PPL: variants seen among roughly 807,000 people sequenced by gnomAD.
PPL encodes 190 kDa paraneoplastic pemphigus antigen.
PPL carries 198 observed loss-of-function variants against 194.4 expected under a neutral mutation model. That is an observed-to-expected ratio of 1.02 (90% CI 0.91 to 1.15). PPL has a LOEUF of 1.15. Ranked by LOEUF, PPL falls within the 50% of genes most tolerant of loss-of-function variation. The pLI is 0.00. For missense variants in PPL, 2,885 were observed against 2,294.8 expected (o/e 1.26, Z -5.25); for synonymous variants, 1,220 against 972.4 (o/e 1.25, Z -4.74).
intron 7 of PPL, 40 bp downstream of exon 7, chr16:4,899,183 G>A (rs754274746): frequency 1.9e-6 from 3 of 1,613,542 alleles, no homozygotes; most frequent in Non-Finnish European, 2.5e-6. Context: ...CTCCTTCCAG[G>A]GCTGCCTCCT....
At chr16:4,910,175 G>T (rs749782823) in intron 2 of PPL, among the ~76,000 whole-genome samples, 1 of 152,174 alleles carries the variant, frequency 6.6e-6, no homozygotes, top group African/African-American at 2.4e-5. Context: ...GTTACAGAAA[G>T]GGAAACTGAG....
At position 4,910,955 on chromosome 16, in the gene PPL, G is replaced by T. The variant is rs1229082531; in HGVS notation, c.63-6C>A. On this transcript the variant is annotated splice_polypyrimidine_tract_variant and splice_region_variant and intron_variant, in intron 1 of 21. Transcript: ENST00000345988. ...AGAGCTCCTTGTTAGAGATGCTGCG[G>T]GCAGAAGCCGAGGGGAGATGGGCGG... 1.9e-6 allele frequency: 3 copies of T among 1,610,324 alleles called. No homozygotes were observed. In the Admixed American group the frequency reaches 5.0e-5, roughly 27 times the overall value.
chr16:4,892,313 G>A (rs1468973178), intron 14 of PPL, 100 bp from the exon 15 acceptor site: 1 of 1,305,914 alleles, frequency 7.7e-7, no homozygotes, highest in Non-Finnish European at 1.0e-6. Flanking sequence ...CAGGCACAGT[G>A]GAAGCAGCTG....
chr16:4,899,359 TGCTGCTGCCGG>T lies in PPL; in HGVS notation c.621_631del (p.Arg208ProfsTer14). On this transcript the variant is annotated frameshift_variant, in exon 7 of 22. Transcript: ENST00000345988. LOFTEE classifies it high-confidence loss of function. ...CATGTAGTCCTGCAGCGAACTCAGGTGCTGCTGCCGGGCCTGTGATGCTGCCTGAAGGGGCC... is the reference window on the plus strand; with the variant it reads ...CATGTAGTCCTGCAGCGAACTCAGGTGCCTGTGATGCTGCCTGAAGGGGCC... 5 of 1,609,856 alleles carry T rather than the reference TGCTGCTGCCGG, an allele frequency of 3.1e-6. No homozygotes were observed. The highest frequency in any genetic ancestry group is 2.5e-6 in the Non-Finnish European group (3 of 1,177,910).
At chr16:4,888,424 A>G (rs972271928) in intron 19 of PPL, among the ~76,000 whole-genome samples, 13 of 152,214 alleles carry the variant, frequency 8.5e-5, no homozygotes, top group African/African-American at 3.1e-4. Flanking sequence ...ACATAGCTCC[A>G]TCACTCAGTA....
chr16:4,902,629 CAG>C lies in PPL; in HGVS notation c.318-105_318-104del. The C allele has an allele frequency of 5.9e-6, 8 of 1,358,036 alleles. No individual in the cohort carries two copies. The highest frequency in any genetic ancestry group is 1.4e-5 in the South Asian group (1 of 70,932). 84.1% of individuals were successfully genotyped at this position (1,358,036 alleles called of 1,614,324 possible). On this transcript the variant is annotated intron_variant, in intron 3 of 21. Transcript: ENST00000345988. This position sits in a 1 kb window ranked among gnomAD's most constrained non-coding sequence, Gnocchi z 4.0. ...CCGGCCTCAGTGTCCTGGAAGGACA[CAG>C]TGACCATATGGCCTTGGGTTCCAGA...
rs1312305040 is a variant in PPL at position 4,886,010 on chromosome 16, C to T, written c.2645G>A (p.Arg882Lys). 1.9e-6 allele frequency: 3 copies of T among 1,614,018 alleles called. No homozygotes were observed. Among genetic ancestry groups the T allele is most frequent in the Non-Finnish European group, 2.5e-6 (3 of 1,180,032 alleles). ...CTCCACTCCAGAGTCCGGCCTATTC[C>T]TTTGCAGGGTCTCATGGGTCACTTC... is the stretch of plus-strand genomic sequence containing the variant. ...EVEVTHETLQ[R>K]NRPDSGVEEA... The change falls in exon 22 of 22, where the codon AGG becomes AAG. Residue 882 changes from arginine (R) to lysine (K), a missense_variant. Transcript: ENST00000345988.
At chr16:4,891,993 CT>C (rs1413886834) in intron 15 of PPL, 41 bp downstream of exon 15, 9 of 1,610,924 alleles carry the variant, frequency 5.6e-6, no homozygotes, top group Admixed American at 1.7e-5. Context: ...ACCTGGCCCC[CT>C]GACCCCACCC....
At chr16:4,926,646 C>T (rs1167407281) in intron 1 of PPL, among the ~76,000 whole-genome samples, 2 of 152,054 alleles carry the variant, frequency 1.3e-5, no homozygotes, top group African/African-American at 4.8e-5. Context: ...GAGGCCGAGG[C>T]GGGCAGATCA....
At chr16:4,907,425 C>T (rs1030469301) in intron 2 of PPL, among the ~76,000 whole-genome samples, 4 of 151,848 alleles carry the variant, frequency 2.6e-5, no homozygotes, top group East Asian at 1.9e-4. Context: ...TATGGGTGTT[C>T]GCTGTACGGT....
intron 1 of PPL, among the ~76,000 whole-genome samples, chr16:4,913,646 G>A (rs2088862456): frequency 6.6e-6 from 1 of 152,120 alleles, no homozygotes; most frequent in African/African-American, 2.4e-5. Flanking sequence ...CAAGTGATTC[G>A]GCTGCCTCAG....
Position 4,897,637 on chromosome 16 carries a change from C to G in PPL, c.972+38G>C, listed in dbSNP as rs201173658. On this transcript the variant is annotated intron_variant, in intron 9 of 21. Coordinates refer to ENST00000345988, the MANE Select transcript of PPL (RefSeq NM_002705.5). ...CACTGAGCGCTCTCAGAGAGTAGCA[C>G]CCCCGGTGCTGGGGGGACTCCCAGG... 4.0e-3 allele frequency: 6,118 copies of G among 1,539,196 alleles called. 18 individuals carry two copies. Among genetic ancestry groups the G allele is most frequent in the Middle Eastern group, 0.013 (61 of 4,792 alleles).
intron 1 of PPL, among the ~76,000 whole-genome samples, chr16:4,926,630 C>T (rs2089158370): frequency 6.6e-6 from 1 of 152,130 alleles, no homozygotes; most frequent in Non-Finnish European, 1.5e-5. Flanking sequence ...AATCCCAGCA[C>T]TTTGGGAGGC....
intron 3 of PPL, among the ~76,000 whole-genome samples, chr16:4,903,067 G>C (rs1179767516): frequency 6.6e-6 from 1 of 152,178 alleles, no homozygotes. Flanking sequence ...AGAAAGTTCT[G>C]GAATAAGCAG....
At chr16:4,920,286 AAAAGAAAG>A (rs1301814912) in intron 1 of PPL, among the ~76,000 whole-genome samples, 1 of 113,780 alleles carries the variant, frequency 8.8e-6, no homozygotes, top group Non-Finnish European at 2.0e-5. Context: ...CTGTCTCAAA[AAAAGAAAG>A]AAAGAAAGAA....
At chr16:4,919,546 G>A (rs955727344) in intron 1 of PPL, among the ~76,000 whole-genome samples, 1 of 152,096 alleles carries the variant, frequency 6.6e-6, no homozygotes, top group Non-Finnish European at 1.5e-5. Flanking sequence ...TTACAGGTAT[G>A]AGCCACAATA....
chr16:4,883,334 C>A lies in PPL; in HGVS notation c.*50G>T. ...GACGACACCAAGGAGGTCACTGCGT[C>A]GTAGGAGAGGGCCAGCGTCTGCCGT... is the stretch of plus-strand genomic sequence containing the variant. On this transcript the variant is annotated 3_prime_UTR_variant, in exon 22 of 22. Coordinates refer to ENST00000345988, the MANE Select transcript of PPL (RefSeq NM_002705.5). The surrounding 1 kb of genome is among the most constrained non-coding windows in gnomAD (Gnocchi z 4.8). 1 of 1,607,798 alleles carries A rather than the reference C, an allele frequency of 6.2e-7. No homozygotes were observed. The highest frequency in any genetic ancestry group is 1.1e-5 in the South Asian group (1 of 90,748).
At chr16:4,921,592 G>A (rs543117857) in intron 1 of PPL, among the ~76,000 whole-genome samples, 4 of 151,514 alleles carry the variant, frequency 2.6e-5, no homozygotes, top group Admixed American at 1.3e-4. Flanking sequence ...TCAGCCTCCC[G>A]AGCAGCTGGA....
rs1206647529 is a variant in PPL at position 4,883,405 on chromosome 16, GA to G, written c.5249del (p.Val1750AlafsTer16). 5.0e-6 allele frequency: 8 copies of G among 1,614,002 alleles called. No individual in the cohort carries two copies. Among genetic ancestry groups the G allele is most frequent in the Non-Finnish European group, 6.8e-6 (8 of 1,180,044 alleles). On this transcript the variant is annotated frameshift_variant, in exon 22 of 22. Transcript: ENST00000345988. LOFTEE classifies it high-confidence loss of function. The surrounding 1 kb of genome is among the most constrained non-coding windows in gnomAD (Gnocchi z 4.8). Reference protein sequence around the residue: ...NKDMSIQELAVLVSGQK With the variant: ...NKDMSIQELAXLVSGQK ...GTGCCTACTTCTGCCCAGATACCAA[GA>G]CCGCCAGCTCCTGGATGGACATATC...
Sources: gnomAD v4.1 joint callset for allele counts (sites outside exome capture counted in the v4.1 genomes callset) on GRCh38, gnomAD v4.1.1 for gene constraint, Gnocchi (gnomAD v3.1) non-coding constraint, MANE v1.5 for transcripts, NCBI Gene and HGNC (gene_info 2026-07-23, HGNC 2026-07-21) for gene names.